Variants in KSR2 observed in about 807,000 individuals in gnomAD.
KSR2 encodes kinase suppressor of ras 2.
KSR2 carries 25 observed loss-of-function variants against 107.8 expected under a neutral mutation model. That is an observed-to-expected ratio of 0.23 (90% CI 0.17 to 0.32). The LOEUF (loss-of-function observed/expected upper bound fraction) is 0.32. KSR2 is among the 10% of genes least tolerant of loss of function. The probability of loss-of-function intolerance (pLI) is 1.00; values close to 1 mark genes in which losing one functional copy is unlikely to be tolerated. For synonymous variants in KSR2, 480 were observed against 507.0 expected (o/e 0.95, Z 0.71); for missense variants, 887 against 1,268.9 (o/e 0.70, Z 4.57).
chr12:117,608,557 G>A (rs2136310772), intron 5 of KSR2, among the ~76,000 whole-genome samples: 1 of 152,232 alleles, frequency 6.6e-6, no homozygotes, highest in African/African-American at 2.4e-5. Flanking sequence ...CGGCACCTGA[G>A]GCACAGTGCC....
chr12:117,892,157 G>A (rs542593232), intron 1 of KSR2, among the ~76,000 whole-genome samples: 2 of 152,092 alleles, frequency 1.3e-5, no homozygotes, highest in South Asian at 4.2e-4. Flanking sequence ...AAAGAAATTA[G>A]CTGGGTGTGA....
At position 117,459,241 on chromosome 12, in the gene KSR2, G is replaced by A. The variant is rs1052643470; in HGVS notation, c.*7958C>T. On this transcript the variant is annotated 3_prime_UTR_variant, in exon 20 of 20. Transcript: ENST00000339824. ...CCACCAACTACAGCCCAAATGGCTT[G>A]GCTTCTGGAAGTTTCTGAGGCCTGA... 5 of 152,222 alleles carry A rather than the reference G, an allele frequency of 3.3e-5. No individual in the cohort carries two copies. The highest frequency in any genetic ancestry group is 1.2e-4 in the African/African-American group (5 of 41,458). The allele number at this position is 152,222 out of a possible 1,614,324, so 9.4% of individuals were successfully genotyped here.
At chr12:117,932,879 G>A (rs1043437114) in intron 1 of KSR2, among the ~76,000 whole-genome samples, 1 of 152,122 alleles carries the variant, frequency 6.6e-6, no homozygotes, top group African/African-American at 2.4e-5. Flanking sequence ...CAGGCATGGT[G>A]GTGGGTGCCT....
chr12:117,485,030 T>A (rs1390966153), intron 15 of KSR2, among the ~76,000 whole-genome samples: 3 of 152,144 alleles, frequency 2.0e-5, no homozygotes, highest in African/African-American at 7.2e-5. Context: ...AGGGCAAACA[T>A]CTAGAGTTGT....
chr12:117,557,164 C>A (rs964734188), intron 8 of KSR2, among the ~76,000 whole-genome samples: 1 of 152,036 alleles, frequency 6.6e-6, no homozygotes, highest in Admixed American at 6.5e-5. Context: ...GACTCCATCT[C>A]AAAAAACATT....
chr12:117,902,495 TAAAAAAAAA>T (rs35386887), intron 1 of KSR2, among the ~76,000 whole-genome samples: 2 of 102,516 alleles, frequency 2.0e-5, no homozygotes, highest in Admixed American at 1.1e-4. Context: ...GACTCTGTCT[TAAAAAAAAA>T]AAAAAAAAAA....
chr12:117,562,595 TC>T (rs1878198745), intron 7 of KSR2, among the ~76,000 whole-genome samples: 1 of 152,174 alleles, frequency 6.6e-6, no homozygotes, highest in Non-Finnish European at 1.5e-5. Flanking sequence ...GCACTTTGAA[TC>T]AGGAGCATGC....
intron 3 of KSR2, among the ~76,000 whole-genome samples, chr12:117,787,408 G>T (rs1018382985): frequency 6.6e-6 from 1 of 152,120 alleles, no homozygotes; most frequent in Non-Finnish European, 1.5e-5. Flanking sequence ...CACGGCGGGC[G>T]GATCATCTGA....
At chr12:117,471,605 A>G (rs746991921) in intron 17 of KSR2, among the ~76,000 whole-genome samples, 6 of 152,216 alleles carry the variant, frequency 3.9e-5, no homozygotes, top group Non-Finnish European at 7.3e-5. Flanking sequence ...AAATCATTGC[A>G]AATAAATGAG....
intron 1 of KSR2, among the ~76,000 whole-genome samples, chr12:117,919,379 T>C (rs1186290264): frequency 1.3e-5 from 2 of 152,174 alleles, no homozygotes; most frequent in Non-Finnish European, 2.9e-5. Flanking sequence ...CTGCTTTGAA[T>C]ATAGGATCAT....
chr12:117,479,430 A>G (rs1345458104), intron 16 of KSR2, among the ~76,000 whole-genome samples: 4 of 152,232 alleles, frequency 2.6e-5, no homozygotes, highest in Admixed American at 1.3e-4. Context: ...CCTTGGCACT[A>G]TTGACATTTG....
chr12:117,528,387 A>C (rs561187368), intron 12 of KSR2, among the ~76,000 whole-genome samples: 1 of 152,168 alleles, frequency 6.6e-6, no homozygotes, highest in East Asian at 1.9e-4. Context: ...GACAGGTGAG[A>C]AAAAAGAATC....
chr12:117,703,173 T>C (rs778100291), intron 4 of KSR2, among the ~76,000 whole-genome samples: 2 of 152,212 alleles, frequency 1.3e-5, no homozygotes, highest in African/African-American at 2.4e-5. Flanking sequence ...TGGGTTCAAA[T>C]CACACATTCA....
intron 12 of KSR2, among the ~76,000 whole-genome samples, chr12:117,528,291 G>A (rs1450573008): frequency 6.6e-6 from 1 of 152,142 alleles, no homozygotes; most frequent in Admixed American, 6.5e-5. Flanking sequence ...GAGGTATGTT[G>A]CAGGGTTTAG....
chr12:117,851,274 C>G (rs1250200102), intron 3 of KSR2, among the ~76,000 whole-genome samples: 1 of 152,106 alleles, frequency 6.6e-6, no homozygotes, highest in Non-Finnish European at 1.5e-5. Flanking sequence ...TAGGTTCAAA[C>G]CATAGTGAGG....
intron 7 of KSR2, among the ~76,000 whole-genome samples, chr12:117,573,700 T>C (rs113866699): frequency 2.0e-5 from 3 of 151,810 alleles, no homozygotes; most frequent in Non-Finnish European, 2.9e-5. Context: ...GCTAATTTTT[T>C]GTATTTTTAG....
At chr12:117,875,998 C>A (rs941922103) in intron 1 of KSR2, among the ~76,000 whole-genome samples, 5 of 152,160 alleles carry the variant, frequency 3.3e-5, no homozygotes, top group Non-Finnish European at 5.9e-5. Flanking sequence ...AAACCAACAT[C>A]CTTGGTGGTT....
At chr12:117,866,215 C>T (rs1893465617) in intron 1 of KSR2, among the ~76,000 whole-genome samples, 1 of 151,566 alleles carries the variant, frequency 6.6e-6, no homozygotes, top group African/African-American at 2.4e-5. Flanking sequence ...GCCACCACAC[C>T]ACGCCTTTTT....
At chr12:117,669,843 G>C (rs939492171) in intron 4 of KSR2, among the ~76,000 whole-genome samples, 1 of 151,994 alleles carries the variant, frequency 6.6e-6, no homozygotes, top group African/African-American at 2.4e-5. Flanking sequence ...ACTCCAGCCT[G>C]GGTGACATAG....
Sources: gnomAD v4.1 joint callset for allele counts (sites outside exome capture counted in the v4.1 genomes callset) on GRCh38, gnomAD v4.1.1 for gene constraint, MANE v1.5 for transcripts, NCBI Gene and HGNC (gene_info 2026-07-23, HGNC 2026-07-21) for gene names.